BACE2: variants seen among roughly 807,000 people sequenced by gnomAD.
The protein encoded by BACE2 is 56 kDa aspartic-like protease.
A neutral mutation model predicts 46.2 loss-of-function variants in BACE2; 17 were observed. The ratio of observed to expected loss-of-function variants is 0.37; its 90% CI spans 0.25 to 0.55. BACE2 has a LOEUF of 0.55. Among genes scored for constraint, BACE2 ranks in the 20% least tolerant of loss-of-function variants. The probability of loss-of-function intolerance (pLI) is 0.82; values close to 1 mark genes in which losing one functional copy is unlikely to be tolerated. For synonymous variants in BACE2, 277 were observed against 295.9 expected (o/e 0.94, Z 0.66); for missense variants, 595 against 698.1 (o/e 0.85, Z 1.66).
At chr21:41,228,879 G>C (rs767693221) in intron 2 of BACE2, among the ~76,000 whole-genome samples, 1 of 152,152 alleles carries the variant, frequency 6.6e-6, no homozygotes. Context: ...CCATAGTAGC[G>C]AATATGCAAT....
chr21:41,197,885 C>T (rs573736982), intron 1 of BACE2, among the ~76,000 whole-genome samples: 3 of 152,182 alleles, frequency 2.0e-5, no homozygotes, highest in Admixed American at 1.3e-4. Flanking sequence ...TACTAAGCTG[C>T]CTCTTGTGTG....
Position 41,243,364 on chromosome 21 carries a change from T to C in BACE2, c.748-12T>C. The C allele has an allele frequency of 1.3e-6, 2 of 1,585,782 alleles. No individual in the cohort carries two copies. On this transcript the variant is annotated splice_polypyrimidine_tract_variant and intron_variant, in intron 4 of 8. Coordinates refer to ENST00000330333, the MANE Select transcript of BACE2 (RefSeq NM_012105.5). ...TTTTTTCTCTTATACCTGTAAATAT[T>C]TCCTGTCCCAGGTCTTGGGTGGAAT...
At chr21:41,243,074 C>T (rs143180602) in intron 4 of BACE2, among the ~76,000 whole-genome samples, 2,257 of 152,126 alleles carry the variant, frequency 0.015, 56 homozygotes, top group African/African-American at 0.051. Context: ...CCACCTTGCC[C>T]GGCTAATTTT....
intron 1 of BACE2, among the ~76,000 whole-genome samples, chr21:41,185,491 G>C (rs1002683417): frequency 6.6e-6 from 1 of 152,230 alleles, no homozygotes; most frequent in Non-Finnish European, 1.5e-5. Context: ...CTTTGACCAA[G>C]AGCAGCTTAG....
chr21:41,225,571 C>T (rs1478820955), intron 1 of BACE2: 6 of 152,164 alleles, frequency 3.9e-5, no homozygotes, highest in Non-Finnish European at 8.8e-5. Flanking sequence ...GAAACCAGTC[C>T]GTGGTCACAA....
intron 1 of BACE2, among the ~76,000 whole-genome samples, chr21:41,220,965 C>T (rs376872285): frequency 1.4e-5 from 2 of 146,306 alleles, no homozygotes; most frequent in Non-Finnish European, 1.5e-5. Flanking sequence ...GAGGCTGAGG[C>T]GGGTGGATCA....
chr21:41,217,124 G>A (rs192119729), intron 1 of BACE2, among the ~76,000 whole-genome samples: 3 of 152,186 alleles, frequency 2.0e-5, no homozygotes, highest in African/African-American at 7.2e-5. Flanking sequence ...TAGAGACGGG[G>A]TTTCACCATG....
At chr21:41,236,882 C>T (rs192115393) in intron 2 of BACE2, among the ~76,000 whole-genome samples, 3 of 152,316 alleles carry the variant, frequency 2.0e-5, no homozygotes, top group Admixed American at 6.5e-5. Flanking sequence ...AAACAAAGCA[C>T]CTGACTTATA....
Position 41,275,819 on chromosome 21 carries a change from C to T in BACE2, c.*195C>T, listed in dbSNP as rs2088482548. The T allele has an allele frequency of 1.5e-6, 1 of 687,908 alleles. No homozygotes were observed. Among genetic ancestry groups the T allele is most frequent in the African/African-American group, 1.8e-5 (1 of 55,074 alleles). The allele number at this position is 687,908 out of a possible 1,614,324, so 42.6% of individuals were successfully genotyped here. On this transcript the variant is annotated 3_prime_UTR_variant, in exon 9 of 9. Transcript: ENST00000330333. ...CAAGCTTTCAAATCCTCCCTACTTC[C>T]AAGAAAAATAATTAAAAAAAAAACT...
At chr21:41,260,420 C>T (rs932747978) in intron 8 of BACE2, among the ~76,000 whole-genome samples, 1 of 152,248 alleles carries the variant, frequency 6.6e-6, no homozygotes, top group Non-Finnish European at 1.5e-5. Context: ...GCTGGGATTA[C>T]AGGCTTGAGC....
intron 1 of BACE2, among the ~76,000 whole-genome samples, chr21:41,192,007 A>G (rs1985588280): frequency 6.6e-6 from 1 of 152,152 alleles, no homozygotes; most frequent in African/African-American, 2.4e-5. Flanking sequence ...GCTACGGCCC[A>G]TGAATCAGTG....
At chr21:41,202,757 G>A (rs1309158481) in intron 1 of BACE2, among the ~76,000 whole-genome samples, 1 of 152,148 alleles carries the variant, frequency 6.6e-6, no homozygotes, top group East Asian at 1.9e-4. Flanking sequence ...ACTGAGAGAC[G>A]GGACCAATCG....
chr21:41,171,325 C>T lies in BACE2; in HGVS notation c.312+2750C>T, dbSNP rs184682114. Among the ~76,000 whole-genome samples the T allele has an allele frequency of 3.2e-4, 48 of 152,348 alleles. No individual in the cohort carries two copies. The East Asian group carries it at 8.5e-3, about 27-fold the overall frequency. On this transcript the variant is annotated intron_variant, in intron 1 of 8. Transcript: ENST00000330333. ...GAGAGGTTCAACAGGAACCAGAGCC[C>T]TCCAGCTCCCCTTCTTTTATGGGAA...
chr21:41,174,969 T>C (rs1984759031), intron 1 of BACE2, among the ~76,000 whole-genome samples: 1 of 152,198 alleles, frequency 6.6e-6, no homozygotes, highest in Non-Finnish European at 1.5e-5. Context: ...AACATGTTTC[T>C]GGTGGAACCT....
At chr21:41,268,113 C>T (rs1359266487) in intron 8 of BACE2, among the ~76,000 whole-genome samples, 1 of 152,202 alleles carries the variant, frequency 6.6e-6, no homozygotes, top group African/African-American at 2.4e-5. Context: ...TTACGTAGCA[C>T]CGATCTTAGC....
At position 41,233,390 on chromosome 21, in the gene BACE2, A is replaced by G. The variant is rs544379187; in HGVS notation, c.402-4123A>G. 7.9e-5 allele frequency among the ~76,000 whole-genome samples: 12 copies of G among 152,282 alleles called. No homozygotes were observed. The South Asian group carries it at 2.5e-3, about 32-fold the overall frequency. ...TAACTTGGCCCTGGGTCACACAGCT[A>G]ATAAGGGATTGAACTCATATTTGAA... On this transcript the variant is annotated intron_variant, in intron 2 of 8. Coordinates refer to ENST00000330333, the MANE Select transcript of BACE2 (RefSeq NM_012105.5).
chr21:41,205,132 T>G (rs1482128264), intron 1 of BACE2, among the ~76,000 whole-genome samples: 1 of 152,200 alleles, frequency 6.6e-6, no homozygotes, highest in East Asian at 1.9e-4. Context: ...AAAACGAAGA[T>G]GAAATTTTAG....
chr21:41,257,321 G>A lies in BACE2; in HGVS notation c.1298G>A (p.Cys433Tyr). The change falls in exon 8 of 9, where the codon TGT becomes TAT. Residue 433 changes from cysteine (C) to tyrosine (Y), a missense_variant. By Grantham distance (194) the Cys-to-Tyr change is radical. Coordinates refer to ENST00000330333, the MANE Select transcript of BACE2 (RefSeq NM_012105.5). ...AGGGTGGGCTTCGCAGCGAGCCCCT[G>A]TGCAGGTGAGCGATTCTGGCATCGA... ...QKRVGFAASPCAEIAGAAVSE... is the reference protein window; with the variant it reads ...QKRVGFAASPYAEIAGAAVSE... The A allele has an allele frequency of 6.2e-7, 1 of 1,613,422 alleles. No homozygotes were observed. Among genetic ancestry groups the A allele is most frequent in the South Asian group, 1.1e-5 (1 of 91,040 alleles).
rs1302758161 is a variant in BACE2 at position 41,276,868 on chromosome 21, T to A, written c.*1244T>A. 6.6e-6 allele frequency: 1 copy of A among 152,270 alleles called. No individual in the cohort carries two copies. The highest frequency in any genetic ancestry group is 6.5e-5 in the Admixed American group (1 of 15,292). The allele number at this position is 152,270 out of a possible 1,614,324, so 9.4% of individuals were successfully genotyped here. On this transcript the variant is annotated 3_prime_UTR_variant, in exon 9 of 9. Coordinates refer to ENST00000330333, the MANE Select transcript of BACE2 (RefSeq NM_012105.5). ...CAGTTGACCTCTGTGCTTCTTCCTT[T>A]GGGGGTGTTTAATCTTTGGTAACAG...
Sources: allele counts gnomAD v4.1 joint callset (sites outside exome capture counted in the v4.1 genomes callset), GRCh38; gene constraint gnomAD v4.1.1; transcripts MANE v1.5; gene names NCBI Gene and HGNC (gene_info 2026-07-23, HGNC 2026-07-21).